PSME4: variants seen among roughly 807,000 people sequenced by gnomAD.
PSME4 encodes the protein proteasome activator subunit 4, also known as proteasome activator complex subunit 4.
Under a neutral mutation model 253.9 loss-of-function variants are expected in PSME4, and 89 were observed. The observed-to-expected ratio is 0.35, with a 90% CI of 0.30 to 0.42. PSME4 has a LOEUF of 0.42. Ranked by LOEUF, PSME4 falls within the 10% of genes least tolerant of loss-of-function variation. The pLI is 1.00. For missense variants in PSME4, 2,014 were observed against 2,195.2 expected (o/e 0.92, Z 1.65); for synonymous variants, 851 against 759.2 (o/e 1.12, Z -1.99).
At chr2:53,885,559 GT>G in intron 41 of PSME4, 130 bp downstream of exon 41, 1 of 599,296 alleles carries the variant, frequency 1.7e-6, no homozygotes, top group South Asian at 2.5e-5. Flanking sequence ...TGATTTTCCT[GT>G]GACCATTCTA....
chr2:53,910,264 C>A, intron 20 of PSME4, 134 bp from the exon 21 acceptor site: 1 of 702,446 alleles, frequency 1.4e-6, no homozygotes, highest in Non-Finnish European at 2.5e-6. Flanking sequence ...TTCCCATCTT[C>A]AATGGGAAAA....
rs67192995 is a variant in PSME4 at position 53,953,487 on chromosome 2, TAAAAAAAAA to T, written c.243-4213_243-4205del. Among the ~76,000 whole-genome samples, 41 of 123,006 alleles carry T rather than the reference TAAAAAAAAA, an allele frequency of 3.3e-4. 1 individual carries two copies. The East Asian group carries it at 7.9e-3, about 24-fold the overall frequency. The allele number at this position is 123,006 out of a possible 152,430, so 80.7% of individuals were successfully genotyped here. On this transcript the variant is annotated intron_variant, in intron 1 of 46. Coordinates refer to ENST00000404125, the MANE Select transcript of PSME4 (RefSeq NM_014614.3). ...CAACATGGTGAAACCCCATGTCTAT[TAAAAAAAAA>T]AAAAAAAAAAAGAAAAAGAAGAACT...
At chr2:53,957,409 T>C (rs1670285444) in intron 1 of PSME4, among the ~76,000 whole-genome samples, 2 of 152,082 alleles carry the variant, frequency 1.3e-5, no homozygotes, top group South Asian at 2.1e-4. Context: ...ATGGTCCCAT[T>C]GGGGGGTGAT....
chr2:53,886,611 A>T (rs924543330), intron 40 of PSME4, among the ~76,000 whole-genome samples: 4 of 152,220 alleles, frequency 2.6e-5, no homozygotes, highest in African/African-American at 9.6e-5. Flanking sequence ...GGAATGTAAA[A>T]TGGTGCAGCT....
At chr2:53,954,305 G>A (rs918748869) in intron 1 of PSME4, among the ~76,000 whole-genome samples, 1 of 151,136 alleles carries the variant, frequency 6.6e-6, no homozygotes, top group Admixed American at 6.6e-5. Context: ...TCCAGCCTGG[G>A]CAACAGAGGG....
intron 3 of PSME4, among the ~76,000 whole-genome samples, chr2:53,944,542 AT>A (rs1297939891): frequency 2.6e-5 from 4 of 152,244 alleles, no homozygotes; most frequent in Non-Finnish European, 5.9e-5. Flanking sequence ...ACATTAAAAA[AT>A]AATTGTAAAT....
chr2:53,961,148 A>C (rs1394353342), intron 1 of PSME4, among the ~76,000 whole-genome samples: 3 of 152,140 alleles, frequency 2.0e-5, no homozygotes, highest in Admixed American at 6.5e-5. Flanking sequence ...AACCAAATAC[A>C]GAAGTAGTCA....
chr2:53,958,445 C>T (rs1455703189), intron 1 of PSME4, among the ~76,000 whole-genome samples: 1 of 152,088 alleles, frequency 6.6e-6, no homozygotes, highest in Non-Finnish European at 1.5e-5. Context: ...AGACATCATT[C>T]TGTCCAATCT....
Sources: allele counts gnomAD v4.1 joint callset (sites outside exome capture counted in the v4.1 genomes callset), GRCh38; gene constraint gnomAD v4.1.1; transcripts MANE v1.5; gene names NCBI Gene and HGNC (gene_info 2026-07-23, HGNC 2026-07-21).